Variants in SSBP2 observed in about 807,000 individuals in gnomAD.
SSBP2 encodes the protein single stranded DNA binding protein 2, also known as single-stranded DNA-binding protein 2.
SSBP2 carries 17 observed loss-of-function variants against 61.8 expected under a neutral mutation model. That is an observed-to-expected ratio of 0.28 (90% CI 0.19 to 0.41). The LOEUF is 0.41. Among genes scored for constraint, SSBP2 ranks in the 10% least tolerant of loss-of-function variants. The pLI is 1.00. For missense variants in SSBP2, 310 were observed against 458.7 expected, an observed-to-expected ratio of 0.68 and a Z score of 2.96; for synonymous variants, 139 against 141.3, an observed-to-expected ratio of 0.98 and a Z score of 0.12.
At chr5:81,458,515 C>CAATGTTTAA (rs1246436033) in intron 10 of SSBP2, among the ~76,000 whole-genome samples, 1 of 152,100 alleles carries the variant, frequency 6.6e-6, no homozygotes, top group Non-Finnish European at 1.5e-5. Flanking sequence ...AGTATTCTTG[C>CAATGTTTAA]AATGTTTAAC....
chr5:81,531,356 A>C (rs889412469), intron 4 of SSBP2, among the ~76,000 whole-genome samples: 3 of 152,068 alleles, frequency 2.0e-5, no homozygotes, highest in Admixed American at 6.6e-5. Flanking sequence ...AAACTAAAAA[A>C]AAATTAATTG....
intron 1 of SSBP2, among the ~76,000 whole-genome samples, chr5:81,676,389 C>T (rs1314156876): frequency 6.6e-6 from 1 of 152,134 alleles, no homozygotes; most frequent in Non-Finnish European, 1.5e-5. Flanking sequence ...CATCGGTAGA[C>T]CTTCATATCT....
At chr5:81,718,712 T>G (rs1755343501) in intron 1 of SSBP2, among the ~76,000 whole-genome samples, 2 of 152,218 alleles carry the variant, frequency 1.3e-5, no homozygotes, top group East Asian at 3.9e-4. Context: ...TTCCCAGGAG[T>G]GCCACATCTG....
intron 4 of SSBP2, among the ~76,000 whole-genome samples, chr5:81,530,580 T>G (rs1490767078): frequency 6.6e-6 from 1 of 152,094 alleles, no homozygotes; most frequent in African/African-American, 2.4e-5. Flanking sequence ...TAAGCATAAA[T>G]GTATTCAAAT....
intron 4 of SSBP2, among the ~76,000 whole-genome samples, chr5:81,536,165 C>T (rs908091034): frequency 1.3e-5 from 2 of 151,940 alleles, no homozygotes; most frequent in Non-Finnish European, 2.9e-5. Context: ...TGGGGAAATG[C>T]AAATTAAAAC....
intron 1 of SSBP2, among the ~76,000 whole-genome samples, chr5:81,668,253 A>T: frequency 7.1e-6 from 1 of 140,058 alleles, no homozygotes; most frequent in Non-Finnish European, 1.5e-5. Flanking sequence ...AAGTTTAAAA[A>T]AAAAAAAAAA....
At chr5:81,641,901 G>A (rs1206870838) in intron 2 of SSBP2, among the ~76,000 whole-genome samples, 2 of 151,696 alleles carry the variant, frequency 1.3e-5, no homozygotes, top group African/African-American at 4.8e-5. Context: ...AGAATATTAT[G>A]TATAGCATAA....
intron 4 of SSBP2, among the ~76,000 whole-genome samples, chr5:81,556,275 A>G (rs755609972): frequency 6.6e-6 from 1 of 152,072 alleles, no homozygotes; most frequent in Non-Finnish European, 1.5e-5. Context: ...GTCGTTGCCA[A>G]TGTGAATCTT....
chr5:81,641,914 C>T (rs1748824255), intron 2 of SSBP2, among the ~76,000 whole-genome samples: 1 of 151,718 alleles, frequency 6.6e-6, no homozygotes, highest in African/African-American at 2.4e-5. Flanking sequence ...TAGCATAAAA[C>T]CTTTCTGCTT....
intron 4 of SSBP2, among the ~76,000 whole-genome samples, chr5:81,529,063 T>A (rs1269107397): frequency 6.6e-6 from 1 of 152,084 alleles, no homozygotes; most frequent in East Asian, 1.9e-4. Flanking sequence ...ACCTGAGACT[T>A]GGCAAGTGCC....
chr5:81,483,141 T>A lies in SSBP2; in HGVS notation c.432+6109A>T, dbSNP rs973911933. ...TTGTGGCAACCCAAAACAATTACAA[T>A]AGTCACATCAAAATCAGTGATCACT... On this transcript the variant is annotated intron_variant, in intron 6 of 16. Transcript: ENST00000320672. Among the ~76,000 whole-genome samples, 4 of 152,124 alleles carry A rather than the reference T, an allele frequency of 2.6e-5. No individual in the cohort carries two copies. In the South Asian group the frequency reaches 6.2e-4, roughly 24 times the overall value.
chr5:81,748,791 G>C (rs1437919193), intron 1 of SSBP2, among the ~76,000 whole-genome samples: 1 of 152,098 alleles, frequency 6.6e-6, no homozygotes, highest in Non-Finnish European at 1.5e-5. Context: ...TGGTAGATTT[G>C]ACAGCAAAGT....
At chr5:81,654,288 C>A (rs1040904192) in intron 1 of SSBP2, among the ~76,000 whole-genome samples, 35 of 152,078 alleles carry the variant, frequency 2.3e-4, no homozygotes, top group African/African-American at 8.0e-4. Flanking sequence ...AAATATGTTT[C>A]TCTCTTAAAT....
intron 4 of SSBP2, among the ~76,000 whole-genome samples, chr5:81,585,553 G>GTA (rs542990022): frequency 0.063 from 9,406 of 149,640 alleles, 531 homozygotes; most frequent in African/African-American, 0.15. Flanking sequence ...TTGTGTGTGT[G>GTA]TATATATATA....
At chr5:81,654,156 G>T (rs1262178148) in intron 1 of SSBP2, among the ~76,000 whole-genome samples, 2 of 151,936 alleles carry the variant, frequency 1.3e-5, no homozygotes, top group Non-Finnish European at 2.9e-5. Context: ...GTAAAGACAG[G>T]GTCTTGCTAT....
intron 1 of SSBP2, among the ~76,000 whole-genome samples, chr5:81,701,876 C>T (rs1754003470): frequency 6.6e-6 from 1 of 152,124 alleles, no homozygotes; most frequent in Non-Finnish European, 1.5e-5. Flanking sequence ...ACCTATCTGA[C>T]CTCAGAACCC....
chr5:81,561,125 A>G (rs570967259), intron 4 of SSBP2, among the ~76,000 whole-genome samples: 1 of 152,332 alleles, frequency 6.6e-6, no homozygotes, highest in East Asian at 1.9e-4. Context: ...AAAAAACTAG[A>G]GTAAACTATC....
At chr5:81,607,118 G>A (rs1052913210) in intron 4 of SSBP2, among the ~76,000 whole-genome samples, 3 of 151,998 alleles carry the variant, frequency 2.0e-5, no homozygotes, top group African/African-American at 7.2e-5. Flanking sequence ...TTGGGCTTTT[G>A]TCCATAATAA....
intron 1 of SSBP2, among the ~76,000 whole-genome samples, chr5:81,748,027 T>C (rs555234216): frequency 6.6e-6 from 1 of 152,310 alleles, no homozygotes; most frequent in South Asian, 2.1e-4. Flanking sequence ...ACAGGAATTG[T>C]GTAAAACCAA....
Sources: gnomAD v4.1 joint callset for allele counts (sites outside exome capture counted in the v4.1 genomes callset) on GRCh38, gnomAD v4.1.1 for gene constraint, MANE v1.5 for transcripts, NCBI Gene and HGNC (gene_info 2026-07-23, HGNC 2026-07-21) for gene names.